The following DSCAML1 variants were observed in gnomAD, a reference collection of about 807,000 sequenced individuals.
DSCAML1 encodes DS cell adhesion molecule like 1, also known as cell adhesion molecule DSCAML1.
A neutral mutation model predicts 200.5 loss-of-function variants in DSCAML1; 38 were observed. The ratio of observed to expected loss-of-function variants is 0.19; its 90% confidence interval spans 0.15 to 0.25. The LOEUF is 0.25. Ranked by LOEUF, DSCAML1 falls within the 10% of genes least tolerant of loss-of-function variation. The probability of loss-of-function intolerance (pLI) is 1.00; values close to 1 mark genes in which losing one functional copy is unlikely to be tolerated. For missense variants in DSCAML1, 2,223 were observed against 2,858.8 expected, an observed-to-expected ratio of 0.78 and a Z score of 5.07; for synonymous variants, 1,215 against 1,165.0, an observed-to-expected ratio of 1.04 and a Z score of -0.87.
At chr11:117,507,264 C>CT (rs2049519180) in intron 8 of DSCAML1, among the ~76,000 whole-genome samples, 2 of 152,066 alleles carry the variant, frequency 1.3e-5, no homozygotes, top group African/African-American at 4.8e-5. Context: ...ATGCACAGTC[C>CT]TCTAGCCTTC....
chr11:117,625,159 T>G (rs188985011), intron 3 of DSCAML1, among the ~76,000 whole-genome samples: 1 of 151,922 alleles, frequency 6.6e-6, no homozygotes, highest in Admixed American at 6.5e-5. Flanking sequence ...CCCAGACACA[T>G]GTATTCTCTG....
At chr11:117,485,632 C>T (rs925746653) in intron 11 of DSCAML1, among the ~76,000 whole-genome samples, 1 of 152,256 alleles carries the variant, frequency 6.6e-6, no homozygotes, top group Non-Finnish European at 1.5e-5. Context: ...GCTTAAGAAA[C>T]CTGGATTCTA....
At chr11:117,451,890 A>G (rs760697590) in intron 19 of DSCAML1, among the ~76,000 whole-genome samples, 3 of 152,082 alleles carry the variant, frequency 2.0e-5, no homozygotes, top group Non-Finnish European at 4.4e-5. Flanking sequence ...AACGATTATT[A>G]TTTTTGCATT....
chr11:117,778,100 C>T (rs917733833), intron 2 of DSCAML1, among the ~76,000 whole-genome samples: 1 of 152,244 alleles, frequency 6.6e-6, no homozygotes, highest in Non-Finnish European at 1.5e-5. Flanking sequence ...TCTTAATTGA[C>T]TGTGTTTCCA....
At chr11:117,627,085 A>G (rs2052061984) in intron 3 of DSCAML1, among the ~76,000 whole-genome samples, 1 of 152,146 alleles carries the variant, frequency 6.6e-6, no homozygotes, top group Non-Finnish European at 1.5e-5. Context: ...TCATTAGACT[A>G]ATAACAGCAG....
chr11:117,550,113 T>C (rs1322386754), intron 3 of DSCAML1, among the ~76,000 whole-genome samples: 1 of 152,204 alleles, frequency 6.6e-6, no homozygotes, highest in East Asian at 1.9e-4. Context: ...TTTCATCATA[T>C]ACTGGCCTTT....
At chr11:117,726,582 A>G (rs549457114) in intron 3 of DSCAML1, among the ~76,000 whole-genome samples, 1 of 152,200 alleles carries the variant, frequency 6.6e-6, no homozygotes, top group African/African-American at 2.4e-5. Flanking sequence ...AGAGCCATGC[A>G]TTTGAGAAAC....
At chr11:117,723,998 G>A (rs367605412) in intron 3 of DSCAML1, among the ~76,000 whole-genome samples, 6 of 152,178 alleles carry the variant, frequency 3.9e-5, no homozygotes, top group Admixed American at 6.5e-5. Flanking sequence ...GCTTGGCTAC[G>A]GCTGGTCCTT....
chr11:117,722,515 T>C (rs2054057905), intron 3 of DSCAML1, among the ~76,000 whole-genome samples: 1 of 152,172 alleles, frequency 6.6e-6, no homozygotes, highest in South Asian at 2.1e-4. Flanking sequence ...TTATAGAAGC[T>C]AGAAGAGAGG....
chr11:117,604,757 T>C (rs1316324881), intron 3 of DSCAML1, among the ~76,000 whole-genome samples: 2 of 152,188 alleles, frequency 1.3e-5, no homozygotes, highest in Non-Finnish European at 2.9e-5. Context: ...GGCTTGATTG[T>C]CCCAGGAGCC....
intron 3 of DSCAML1, among the ~76,000 whole-genome samples, chr11:117,775,304 G>A (rs1479760596): frequency 3.3e-5 from 5 of 152,150 alleles, no homozygotes; most frequent in South Asian, 2.1e-4. Context: ...GGGTCCAACC[G>A]CTTCTTCTGG....
At chr11:117,517,322 G>A (rs1405189461) in intron 7 of DSCAML1, among the ~76,000 whole-genome samples, 13 of 152,204 alleles carry the variant, frequency 8.5e-5, no homozygotes, top group Admixed American at 8.5e-4. Context: ...GCTGGCTGGG[G>A]AGAGAGAGTG....
intron 3 of DSCAML1, among the ~76,000 whole-genome samples, chr11:117,658,854 G>A (rs1173405955): frequency 6.6e-6 from 1 of 152,184 alleles, no homozygotes; most frequent in African/African-American, 2.4e-5. Flanking sequence ...CCTTACTTAC[G>A]TTGCTTGAGC....
At chr11:117,554,127 A>C (rs2050516435) in intron 3 of DSCAML1, among the ~76,000 whole-genome samples, 1 of 152,188 alleles carries the variant, frequency 6.6e-6, no homozygotes. Context: ...CAGAAAGAAG[A>C]ATGGTGGTTT....
intron 4 of DSCAML1, among the ~76,000 whole-genome samples, chr11:117,530,000 C>T (rs1170316171): frequency 6.6e-6 from 1 of 152,146 alleles, no homozygotes; most frequent in Non-Finnish European, 1.5e-5. Flanking sequence ...GGAGCCCCGT[C>T]GCTCGCTTCC....
In DSCAML1 at chr11:117,504,681, G is replaced by A. The variant is rs1040593787; in HGVS notation, c.2182+243C>T. On this transcript the variant is annotated intron_variant, in intron 10 of 32. Coordinates refer to ENST00000651296, the MANE Select transcript of DSCAML1 (RefSeq NM_020693.4). This position sits in a 1 kb window ranked among gnomAD's most constrained non-coding sequence, Gnocchi z 5.0. The stretch of plus-strand genomic sequence containing the variant: ...GGGCGGAGATGGGAGAGGAGAGGTC[G>A]CGTCTGGGGGGACAAGAGGAAATAC... Among the ~76,000 whole-genome samples, 9 of 148,018 alleles carry A rather than the reference G, an allele frequency of 6.1e-5. No homozygotes were observed. The highest frequency in any genetic ancestry group is 2.0e-4 in the East Asian group (1 of 4,960).
chr11:117,563,423 G>A (rs112720355), intron 3 of DSCAML1, among the ~76,000 whole-genome samples: 73 of 152,254 alleles, frequency 4.8e-4, no homozygotes, highest in Non-Finnish European at 7.8e-4. Context: ...GAAGAACTGG[G>A]ATGGAGAAGT....
At chr11:117,786,929 G>A (rs1160080087) in intron 1 of DSCAML1, among the ~76,000 whole-genome samples, 1 of 152,150 alleles carries the variant, frequency 6.6e-6, no homozygotes, top group East Asian at 1.9e-4. Flanking sequence ...GGTCTTCAGG[G>A]GAGCAGGGGG....
chr11:117,708,115 A>AC (rs1260702948), intron 3 of DSCAML1, among the ~76,000 whole-genome samples: 2 of 151,928 alleles, frequency 1.3e-5, no homozygotes, highest in Non-Finnish European at 2.9e-5. Flanking sequence ...TACTTCCTGT[A>AC]CCCCCCACAC....
Sources: gnomAD v4.1 joint callset for allele counts (sites outside exome capture counted in the v4.1 genomes callset) on GRCh38, gnomAD v4.1.1 for gene constraint, Gnocchi (gnomAD v3.1) non-coding constraint, MANE v1.5 for transcripts, NCBI Gene and HGNC (gene_info 2026-07-23, HGNC 2026-07-21) for gene names.